Variants in DNAH5 observed in about 807,000 individuals in gnomAD.
DNAH5 encodes dynein axonemal heavy chain 5, also known as axonemal beta dynein heavy chain 5.
DNAH5 carries 372 observed loss-of-function variants against 518.2 expected under a neutral mutation model. The ratio of observed to expected loss-of-function variants is 0.72; its 90% CI spans 0.66 to 0.78. DNAH5 has a LOEUF of 0.78. Ranked by LOEUF, DNAH5 falls within the 30% of genes least tolerant of loss-of-function variation. DNAH5 has a pLI of 0.00. For missense variants in DNAH5, 5,523 were observed against 5,687.0 expected, an observed-to-expected ratio of 0.97 and a Z score of 0.93; for synonymous variants, 2,039 against 2,025.9, an observed-to-expected ratio of 1.01 and a Z score of -0.17.
intron 68 of DNAH5, among the ~76,000 whole-genome samples, chr5:13,730,429 A>ATTCT (rs147879913): frequency 0.44 from 66,724 of 150,852 alleles, 14,784 homozygotes; most frequent in East Asian, 0.56. Context: ...TCTATGCATT[A>ATTCT]TTCTTTCTTT....
intron 68 of DNAH5, among the ~76,000 whole-genome samples, chr5:13,733,944 T>C (rs1746974045): frequency 6.6e-6 from 1 of 152,096 alleles, no homozygotes. Flanking sequence ...AAAGGTATAC[T>C]AGATGAATCT....
At chr5:13,704,987 T>C (rs188228904) in intron 76 of DNAH5, among the ~76,000 whole-genome samples, 49 of 146,784 alleles carry the variant, frequency 3.3e-4, no homozygotes, top group Middle Eastern at 3.4e-3. Flanking sequence ...TTTATACCAA[T>C]AGACAATTTT....
chr5:13,907,425 T>C (rs1775447124), intron 12 of DNAH5, among the ~76,000 whole-genome samples: 2 of 151,546 alleles, frequency 1.3e-5, no homozygotes, highest in African/African-American at 4.9e-5. Context: ...TGAAACTCTG[T>C]CCCCCCGCCA....
intron 9 of DNAH5, among the ~76,000 whole-genome samples, chr5:13,915,218 A>G (rs1776516557): frequency 6.6e-6 from 1 of 152,126 alleles, no homozygotes; most frequent in African/African-American, 2.4e-5. Flanking sequence ...CCATGGAAAG[A>G]TATGATGCCC....
At chr5:13,872,360 T>C (rs1438703158) in intron 22 of DNAH5, among the ~76,000 whole-genome samples, 1 of 152,164 alleles carries the variant, frequency 6.6e-6, no homozygotes, top group Non-Finnish European at 1.5e-5. Context: ...ATAACTAGAA[T>C]TGACATCTGA....
intron 3 of DNAH5, 91 bp from the exon 4 acceptor site, chr5:13,923,531 C>T (rs1777529865): frequency 6.9e-7 from 1 of 1,443,104 alleles, no homozygotes; most frequent in South Asian, 1.2e-5. Flanking sequence ...AAAATATTGC[C>T]ATTGTTGACT....
Position 13,844,899 on chromosome 5 carries a change from T to C in DNAH5, c.5209A>G (p.Thr1737Ala), listed in dbSNP as rs978579610. 6 of 1,614,050 alleles carry C rather than the reference T, an allele frequency of 3.7e-6. No homozygotes were observed. The African/African-American group carries it at 8.0e-5, about 22-fold the overall frequency. ...EILGQASDSHTIQAHLLNVFD... is the reference protein window; with the variant it reads ...EILGQASDSHAIQAHLLNVFD... The stretch of plus-strand genomic sequence containing the variant: ...ACATTCAGCAAATGGGCCTGTATAG[T>C]GTGGGAGTCCGACGCCTGCCCCAGA... The change falls in exon 32 of 79, where the codon ACT (threonine) becomes GCT (alanine). Residue 1737 changes from threonine (T) to alanine (A), a missense_variant. Physicochemically the swap from Thr to Ala is moderately conservative, Grantham distance 58 (BLOSUM62 0). Transcript: ENST00000265104.
At chr5:13,809,897 T>C (rs1320257187) in intron 45 of DNAH5, among the ~76,000 whole-genome samples, 162 bp downstream of exon 45, 1 of 152,236 alleles carries the variant, frequency 6.6e-6, no homozygotes, top group Non-Finnish European at 1.5e-5. Flanking sequence ...GTAGATTTTT[T>C]AAAAAGAAAC....
In DNAH5 at chr5:13,843,647, G is replaced by A. The variant is rs540860191; in HGVS notation, c.5271+1190C>T. Among the ~76,000 whole-genome samples the A allele has an allele frequency of 8.9e-4, 136 of 152,196 alleles. 1 individual carries two copies. The highest frequency in any genetic ancestry group is 3.1e-3 in the African/African-American group (128 of 41,518). ...CTAATACACTCCCTCACACATCCAC[G>A]CTGCTGACATCCTGGGCTTCCCACA... On this transcript the variant is annotated intron_variant, in intron 32 of 78. Coordinates refer to ENST00000265104, the MANE Select transcript of DNAH5 (RefSeq NM_001369.3).
At chr5:13,737,169 C>T in intron 66 of DNAH5, 83 bp downstream of exon 66, 2 of 1,582,124 alleles carry the variant, frequency 1.3e-6, no homozygotes, top group Non-Finnish European at 1.7e-6. Flanking sequence ...TGTATAACTC[C>T]CTCACATCCT....
chr5:13,887,045 ACTC>A (rs1299022767), intron 17 of DNAH5, among the ~76,000 whole-genome samples: 1 of 152,090 alleles, frequency 6.6e-6, no homozygotes, highest in East Asian at 1.9e-4. Flanking sequence ...ATGTAAACTA[ACTC>A]CTCAATTCTC....
At chr5:13,847,549 G>A (rs769796716) in intron 31 of DNAH5, among the ~76,000 whole-genome samples, 22 of 135,760 alleles carry the variant, frequency 1.6e-4, no homozygotes, top group Non-Finnish European at 2.2e-4. Flanking sequence ...GTGAAACCTC[G>A]TCTCTACTAA....
chr5:13,932,424 A>G (rs539768379), intron 1 of DNAH5: 5 of 152,362 alleles, frequency 3.3e-5, no homozygotes, highest in Admixed American at 6.5e-5. Context: ...AGGGTTGGTC[A>G]TACTCCTAGG....
At chr5:13,791,045 C>T (rs960558260) in intron 50 of DNAH5, among the ~76,000 whole-genome samples, 1 of 151,978 alleles carries the variant, frequency 6.6e-6, no homozygotes, top group African/African-American at 2.4e-5. Context: ...TGGAACAAAC[C>T]TTCACGTGTA....
intron 62 of DNAH5, among the ~76,000 whole-genome samples, 178 bp from the exon 63 acceptor site, chr5:13,753,727 A>G (rs1422206638): frequency 6.6e-6 from 1 of 152,198 alleles, no homozygotes; most frequent in Non-Finnish European, 1.5e-5. Context: ...TTATTAGTCA[A>G]TAAGGTCCAA....
At chr5:13,697,309 C>T (rs569935178) in intron 78 of DNAH5, among the ~76,000 whole-genome samples, 1 of 152,278 alleles carries the variant, frequency 6.6e-6, no homozygotes, top group Non-Finnish European at 1.5e-5. Context: ...CTTGCCTAAG[C>T]CCAGGTAGAC....
In DNAH5 at chr5:13,727,091, T is replaced by A. The variant is rs373380197; in HGVS notation, c.12033+416A>T. On this transcript the variant is annotated intron_variant, in intron 70 of 78. Coordinates refer to ENST00000265104, the MANE Select transcript of DNAH5 (RefSeq NM_001369.3). ...TGACTACGGTTTGGGCACACTGTCCTTCCCCCACTCTATTCACCCTAATGC... is the reference window on the plus strand; with the variant it reads ...TGACTACGGTTTGGGCACACTGTCCATCCCCCACTCTATTCACCCTAATGC... Among the ~76,000 whole-genome samples, 43 of 152,344 alleles carry A rather than the reference T, an allele frequency of 2.8e-4. 2 individuals carry two copies. The highest frequency in any genetic ancestry group is 2.7e-3 in the East Asian group (14 of 5,184).
chr5:13,787,428 T>C (rs1026592390), intron 51 of DNAH5, among the ~76,000 whole-genome samples: 11 of 152,166 alleles, frequency 7.2e-5, no homozygotes, highest in African/African-American at 2.7e-4. Flanking sequence ...ATGTTAATCT[T>C]TTTATAACAA....
chr5:13,849,334 C>T (rs35088801), intron 31 of DNAH5, among the ~76,000 whole-genome samples: 51,766 of 152,176 alleles, frequency 0.34, 9,512 homozygotes, highest in East Asian at 0.58. Context: ...GAAATGTATG[C>T]GGTGATTCCA....
Sources: allele counts gnomAD v4.1 joint callset (sites outside exome capture counted in the v4.1 genomes callset), GRCh38; gene constraint gnomAD v4.1.1; transcripts MANE v1.5; gene names NCBI Gene and HGNC (gene_info 2026-07-23, HGNC 2026-07-21).